Variants in CFAP54 observed in about 807,000 individuals in gnomAD.
CFAP54 encodes the protein cilia and flagella associated protein 54.
CFAP54 carries 290 observed loss-of-function variants against 370.4 expected under a neutral mutation model. The ratio of observed to expected loss-of-function variants is 0.78; its 90% CI spans 0.71 to 0.86. The LOEUF (loss-of-function observed/expected upper bound fraction) is 0.86. Ranked by LOEUF, CFAP54 falls within the 40% of genes least tolerant of loss-of-function variation. CFAP54 has a pLI of 0.00. For missense variants in CFAP54, 3,399 were observed against 3,528.7 expected, an observed-to-expected ratio of 0.96 and a Z score of 0.93; for synonymous variants, 1,206 against 1,236.5, an observed-to-expected ratio of 0.98 and a Z score of 0.52.
At chr12:96,596,044 TATC>T (rs1196886142) in intron 25 of CFAP54, among the ~76,000 whole-genome samples, 3 of 152,166 alleles carry the variant, frequency 2.0e-5, no homozygotes, top group Non-Finnish European at 4.4e-5. Flanking sequence ...AGAAAGTTCA[TATC>T]CTTTCACATA....
chr12:96,601,071 T>G (rs1373433920), intron 26 of CFAP54, among the ~76,000 whole-genome samples: 2 of 152,128 alleles, frequency 1.3e-5, no homozygotes, highest in Non-Finnish European at 2.9e-5. Flanking sequence ...GTTTTGCCCA[T>G]TCAGTGATAT....
At chr12:96,714,432 G>A (rs938694522) in intron 48 of CFAP54, among the ~76,000 whole-genome samples, 5 of 152,180 alleles carry the variant, frequency 3.3e-5, no homozygotes, top group African/African-American at 7.2e-5. Context: ...AAAGGCCTAA[G>A]ACCACACGTC....
intron 66 of CFAP54, among the ~76,000 whole-genome samples, chr12:96,833,628 A>G (rs1260187035): frequency 6.6e-6 from 1 of 151,858 alleles, no homozygotes; most frequent in East Asian, 1.9e-4. Context: ...GGAAAATGTT[A>G]TCCTAGGTCA....
rs568588270 is a variant in CFAP54 at position 96,792,451 on chromosome 12, A to G, written c.8802A>G (p.Gln2934=). The G allele has an allele frequency of 1.8e-5, 27 of 1,535,960 alleles. No individual in the cohort carries two copies. Among genetic ancestry groups the G allele is most frequent in the African/African-American group, 4.1e-5 (3 of 73,170 alleles). ...TQASNKELCF[Q]WYIPPLDRPP... ...CTTCAAACAAAGAACTTTGCTTTCA[A>G]TGGTACATTCCTCCCCTGGATAGAC... The change falls in exon 63 of 68, where the codon CAA becomes CAG. Residue 2934 remains glutamine (Q), a synonymous_variant. Transcript: ENST00000524981.
intron 65 of CFAP54, among the ~76,000 whole-genome samples, chr12:96,828,708 G>C (rs1959155586): frequency 6.6e-6 from 1 of 152,058 alleles, no homozygotes; most frequent in Admixed American, 6.6e-5. Flanking sequence ...ATTCTTCTCT[G>C]CTGCAAGCCC....
At chr12:96,655,715 T>A (rs966840328) in intron 36 of CFAP54, among the ~76,000 whole-genome samples, 2 of 151,976 alleles carry the variant, frequency 1.3e-5, no homozygotes, top group Admixed American at 1.3e-4. Context: ...AATCTATAAA[T>A]TAAAAAAGAC....
At chr12:96,659,632 C>A (rs1192667685) in intron 38 of CFAP54, among the ~76,000 whole-genome samples, 2 of 152,076 alleles carry the variant, frequency 1.3e-5, no homozygotes, top group East Asian at 3.8e-4. Flanking sequence ...ACCCAGGGGC[C>A]CTTGAAAGTC....
intron 17 of CFAP54, among the ~76,000 whole-genome samples, chr12:96,562,620 G>T (rs1955827782): frequency 6.6e-6 from 1 of 151,486 alleles, no homozygotes; most frequent in South Asian, 2.1e-4. Flanking sequence ...AGTAGAGATG[G>T]GGTTTTGCCA....
rs188604682 is a variant in CFAP54 at position 96,841,438 on chromosome 12, T to A, written c.9171+12350T>A. Among the ~76,000 whole-genome samples the A allele has an allele frequency of 9.2e-5, 14 of 152,352 alleles. No individual in the cohort carries two copies. In the East Asian group the frequency reaches 2.3e-3, roughly 25 times the overall value. On this transcript the variant is annotated intron_variant, in intron 66 of 67. Coordinates refer to ENST00000524981, the MANE Select transcript of CFAP54 (RefSeq NM_001306084.2). ...CTAGACCTTTAGCAATGGAATTATA[T>A]TTTCATCTTAGGAGGATGTTTAATT...
chr12:96,614,550 A>G (rs1417842241), intron 26 of CFAP54, among the ~76,000 whole-genome samples: 2 of 152,196 alleles, frequency 1.3e-5, no homozygotes, highest in Non-Finnish European at 2.9e-5. Context: ...AGGGTATTCA[A>G]TTAGGAAAAG....
At chr12:96,606,528 A>G (rs1252507001) in intron 26 of CFAP54, among the ~76,000 whole-genome samples, 1 of 152,246 alleles carries the variant, frequency 6.6e-6, no homozygotes, top group African/African-American at 2.4e-5. Context: ...GAAATACTAG[A>G]AAGTATTTAT....
intron 45 of CFAP54, among the ~76,000 whole-genome samples, chr12:96,696,734 A>G (rs1464926893): frequency 2.0e-5 from 3 of 152,146 alleles, no homozygotes; most frequent in African/African-American, 7.2e-5. Flanking sequence ...TTATTGGCAT[A>G]GTAGGATTGA....
intron 5 of CFAP54, among the ~76,000 whole-genome samples, chr12:96,516,744 A>C (rs1032119324): frequency 2.0e-5 from 3 of 152,254 alleles, no homozygotes; most frequent in Non-Finnish European, 4.4e-5. Context: ...TTTTACTATG[A>C]AACTGAAATG....
At chr12:96,530,211 G>A (rs192237921) in intron 9 of CFAP54, among the ~76,000 whole-genome samples, 135 of 152,164 alleles carry the variant, frequency 8.9e-4, no homozygotes, top group Non-Finnish European at 1.4e-3. Context: ...TTCACTTGGC[G>A]GGGTACCATG....
At chr12:96,788,340 G>A (rs1375221880) in intron 62 of CFAP54, among the ~76,000 whole-genome samples, 1 of 152,132 alleles carries the variant, frequency 6.6e-6, no homozygotes, top group Non-Finnish European at 1.5e-5. Context: ...TGAGATTCTT[G>A]TAGAAAACTC....
intron 14 of CFAP54, among the ~76,000 whole-genome samples, chr12:96,545,690 C>T (rs1955633533): frequency 6.6e-6 from 1 of 152,146 alleles, no homozygotes; most frequent in Admixed American, 6.5e-5. Flanking sequence ...TTGGAGGAGA[C>T]AAATATTCAA....
At chr12:96,521,551 CGT>C (rs1491214816) in intron 6 of CFAP54, among the ~76,000 whole-genome samples, 26 of 139,830 alleles carry the variant, frequency 1.9e-4, no homozygotes, top group African/African-American at 5.5e-4. Flanking sequence ...TGTGTGTGCG[CGT>C]GCGCACATGA....
chr12:96,664,689 GTATATATC>G (rs1231252244), intron 39 of CFAP54, among the ~76,000 whole-genome samples: 996 of 26,262 alleles, frequency 0.038, 26 homozygotes, highest in Non-Finnish European at 0.049. Context: ...ATTCCTTTGG[GTATATATC>G]TATATATATA....
At chr12:96,566,020 ATTC>A (rs1955862484) in intron 19 of CFAP54, among the ~76,000 whole-genome samples, 1 of 152,162 alleles carries the variant, frequency 6.6e-6, no homozygotes, top group Admixed American at 6.5e-5. Context: ...CTGGGCACTC[ATTC>A]TCTCTCCTGC....
Sources: allele counts gnomAD v4.1 joint callset (sites outside exome capture counted in the v4.1 genomes callset), GRCh38; gene constraint gnomAD v4.1.1; transcripts MANE v1.5; gene names NCBI Gene and HGNC (gene_info 2026-07-23, HGNC 2026-07-21).